WWC2: variants seen among roughly 807,000 people sequenced by gnomAD.
WWC2 encodes the protein protein WWC2.
In WWC2, 101 loss-of-function variants were observed where a neutral mutation model predicts 138.5. The observed-to-expected ratio is 0.73, with a 90% CI of 0.62 to 0.86. The LOEUF is 0.86. WWC2 is among the 40% of genes least tolerant of loss of function. The pLI, the probability that WWC2 is intolerant of heterozygous loss-of-function variation, is 0.00. For missense variants in WWC2, 1,420 were observed against 1,419.4 expected, an observed-to-expected ratio of 1.00 and a Z score of -0.01; for synonymous variants, 558 against 538.4, an observed-to-expected ratio of 1.04 and a Z score of -0.50.
chr4:183,118,976 T>G (rs1444510279), intron 1 of WWC2, among the ~76,000 whole-genome samples: 1 of 152,188 alleles, frequency 6.6e-6, no homozygotes, highest in East Asian at 1.9e-4. Context: ...TACTTCATTC[T>G]TAAAGACTCC....
rs1560886407 is a variant in WWC2, at chr4:183,284,397, TG to T, written c.3048+9del. On this transcript the variant is annotated splice_region_variant and intron_variant, in intron 19 of 22. Coordinates refer to ENST00000403733, the MANE Select transcript of WWC2 (RefSeq NM_024949.6). ...GAACCAGTACATCTGCAGGGTAAGG[TG>T]GCAGTGCTCGTGGTGAGGCGCTGGG... The T allele has an allele frequency of 6.2e-7, 1 of 1,609,738 alleles. No individual in the cohort carries two copies. The highest frequency in any genetic ancestry group is 8.5e-7 in the Non-Finnish European group (1 of 1,179,134).
chr4:183,298,935 C>CA lies in WWC2; in HGVS notation c.3384+9301dup, dbSNP rs552273211. Among the ~76,000 whole-genome samples, 684 of 152,274 alleles carry CA rather than the reference C, an allele frequency of 4.5e-3. 4 individuals are homozygous for CA. Among genetic ancestry groups the CA allele is most frequent in the African/African-American group, 0.016 (657 of 41,552 alleles). ...TGGAAGTTTTTCATATCAGGATACT[C>CA]AGAGTGCAGTCTTACACAGGTTATG... On this transcript the variant is annotated intron_variant, in intron 21 of 22. Coordinates refer to ENST00000403733, the MANE Select transcript of WWC2 (RefSeq NM_024949.6).
At chr4:183,280,390 T>TA (rs1435601544) in intron 16 of WWC2, among the ~76,000 whole-genome samples, 1 of 152,100 alleles carries the variant, frequency 6.6e-6, no homozygotes, top group East Asian at 1.9e-4. Context: ...ACTGCCTTGG[T>TA]AGTCCTGAAC....
At chr4:183,219,002 T>C (rs1487684222) in intron 4 of WWC2, among the ~76,000 whole-genome samples, 1 of 152,214 alleles carries the variant, frequency 6.6e-6, no homozygotes, top group Non-Finnish European at 1.5e-5. Context: ...TGCAATATTA[T>C]TAAGCTTTAA....
Position 183,320,161 on chromosome 4 carries a change from C to T in WWC2, c.*4432C>T, listed in dbSNP as rs542948383. The T allele has an allele frequency of 1.7e-5, 27 of 1,613,968 alleles. No homozygotes were observed. Among genetic ancestry groups the T allele is most frequent in the Non-Finnish European group, 2.1e-5 (25 of 1,180,024 alleles). On this transcript the variant is annotated 3_prime_UTR_variant, in exon 23 of 23. Coordinates refer to ENST00000403733, the MANE Select transcript of WWC2 (RefSeq NM_024949.6). ...TTTGTAAGACAGGATAAAACCCATC[C>T]CAGCAAAGATAATGAAACTCCAGCT...
intron 9 of WWC2, among the ~76,000 whole-genome samples, chr4:183,256,851 C>T (rs537255501): frequency 2.1e-5 from 3 of 145,140 alleles, no homozygotes; most frequent in African/African-American, 7.9e-5. Flanking sequence ...GCTAGATGCA[C>T]ATGAATTTTC....
Position 183,253,822 on chromosome 4 carries a change from T to C in WWC2, c.1019T>C (p.Ile340Thr). The C allele has an allele frequency of 6.2e-7, 1 of 1,613,722 alleles. No homozygotes were observed. ...DSEAWPGALD[I>T]EKEKLMLINE... ...GAGGCCTGGCCTGGGGCACTGGATA[T>C]TGAGAAGGAAAAACTGATGCTGATT... The change falls in exon 9 of 23, where the codon ATT (isoleucine) becomes ACT (threonine). Residue 340 changes from isoleucine (I) to threonine (T), a missense_variant. By Grantham distance (89) the Ile-to-Thr change is moderately conservative (BLOSUM62 -1). Coordinates refer to ENST00000403733, the MANE Select transcript of WWC2 (RefSeq NM_024949.6).
chr4:183,279,563 C>T (rs1281739056), intron 16 of WWC2, among the ~76,000 whole-genome samples: 2 of 152,188 alleles, frequency 1.3e-5, no homozygotes, highest in Non-Finnish European at 2.9e-5. Flanking sequence ...ACCAGTTCCT[C>T]CTTGTACTTC....
chr4:183,100,410 T>C (rs1743140240), intron 1 of WWC2, among the ~76,000 whole-genome samples: 1 of 152,252 alleles, frequency 6.6e-6, no homozygotes, highest in Non-Finnish European at 1.5e-5. Context: ...TGTTTCTGTG[T>C]CCCATATTTT....
intron 2 of WWC2, among the ~76,000 whole-genome samples, chr4:183,194,791 G>A (rs916389260): frequency 1.3e-5 from 2 of 152,188 alleles, no homozygotes; most frequent in African/African-American, 4.8e-5. Context: ...AGCACATATG[G>A]TTAGTGATCT....
At chr4:183,252,084 GC>G (rs1189644335) in intron 8 of WWC2, among the ~76,000 whole-genome samples, 2 of 152,156 alleles carry the variant, frequency 1.3e-5, no homozygotes, top group Admixed American at 6.6e-5. Flanking sequence ...ACTCTAACAT[GC>G]AATTTTATTT....
intron 4 of WWC2, among the ~76,000 whole-genome samples, chr4:183,225,734 G>A (rs1196694864): frequency 6.6e-6 from 1 of 152,220 alleles, no homozygotes; most frequent in African/African-American, 2.4e-5. Context: ...CACAAGTGAT[G>A]TAGCAGAGAA....
chr4:183,128,549 C>T (rs1732831039), intron 1 of WWC2, among the ~76,000 whole-genome samples: 1 of 152,126 alleles, frequency 6.6e-6, no homozygotes, highest in African/African-American at 2.4e-5. Flanking sequence ...GTGGCTCTTC[C>T]TATAAGACAA....
chr4:183,150,496 CATT>C (rs979912397), intron 1 of WWC2, among the ~76,000 whole-genome samples: 2 of 151,982 alleles, frequency 1.3e-5, no homozygotes, highest in African/African-American at 4.8e-5. Flanking sequence ...ACGTTGATGT[CATT>C]ATATAGTATT....
chr4:183,265,051 T>C lies in WWC2; in HGVS notation c.1983T>C (p.Ala661=). 1 of 1,613,724 alleles carries C rather than the reference T, an allele frequency of 6.2e-7. No individual in the cohort carries two copies. Residue 661 remains alanine, a synonymous_variant, in exon 12 of 23, where the codon GCT becomes GCC. Transcript: ENST00000403733. The part of the protein sequence containing the change: ...LGEKTTCVSA[A]VSDESVAGDS... Reference sequence around the variant, plus strand: ...AGAAAACCACTTGTGTGTCGGCTGCTGTGTCTGATGAGTCTGTGGCTGGAG... The same window carrying C: ...AGAAAACCACTTGTGTGTCGGCTGCCGTGTCTGATGAGTCTGTGGCTGGAG...
intron 16 of WWC2, among the ~76,000 whole-genome samples, chr4:183,272,818 A>G (rs149251813): frequency 6.2e-4 from 95 of 152,302 alleles, no homozygotes; most frequent in African/African-American, 2.1e-3. Flanking sequence ...ATAATATTCT[A>G]TTGTGGATGT....
In WWC2 at chr4:183,260,969, G is replaced by T; in HGVS notation, c.1346G>T (p.Ser449Ile). 6.2e-7 allele frequency: 1 copy of T among 1,613,948 alleles called. No homozygotes were observed. Among genetic ancestry groups the T allele is most frequent in the Non-Finnish European group, 8.5e-7 (1 of 1,179,866 alleles). Residue 449 changes from serine (S) to isoleucine (I), a missense_variant, in exon 11 of 23, where the codon AGT becomes ATT. Transcript: ENST00000403733. ...SGSSLGSLAS[S>I]RGSLNTSSRG... is the part of the protein sequence containing the mutation. ...AGCAGCCTGGGTTCCCTGGCATCGA[G>T]TCGGGGCTCTCTGAACACCTCCAGC...
At chr4:183,161,821 A>G (rs1733967739) in intron 1 of WWC2, among the ~76,000 whole-genome samples, 1 of 152,216 alleles carries the variant, frequency 6.6e-6, no homozygotes, top group South Asian at 2.1e-4. Context: ...TGAGGTCCGC[A>G]CAATGAAATC....
Position 183,264,995 on chromosome 4 carries a change from C to A in WWC2, c.1927C>A (p.Pro643Thr), listed in dbSNP as rs1737453286. ...CTCCATAGATGTGGAAAAATCATTACCAAAAAGAAGAGTGATCCACTTGCT... is the reference window on the plus strand; with the variant it reads ...CTCCATAGATGTGGAAAAATCATTAACAAAAAGAAGAGTGATCCACTTGCT... Reference protein sequence around the residue: ...EGTADVEKSLPKRRVIHLLGE... With the variant: ...EGTADVEKSLTKRRVIHLLGE... Residue 643 changes from proline to threonine, a missense_variant, in exon 12 of 23, where the codon CCA becomes ACA. By Grantham distance (38) the Pro-to-Thr change is conservative. Transcript: ENST00000403733. 1.2e-6 allele frequency: 2 copies of A among 1,612,292 alleles called. No homozygotes were observed. The highest frequency in any genetic ancestry group is 1.1e-5 in the South Asian group (1 of 90,726).
Sources: allele counts gnomAD v4.1 joint callset (sites outside exome capture counted in the v4.1 genomes callset), GRCh38; gene constraint gnomAD v4.1.1; transcripts MANE v1.5; gene names NCBI Gene and HGNC (gene_info 2026-07-23, HGNC 2026-07-21).